Variants in BLM observed in about 807,000 individuals in gnomAD.
The protein encoded by BLM is BLM RecQ like helicase.
BLM carries 95 observed loss-of-function variants against 135.3 expected under a neutral mutation model. That is an observed-to-expected ratio of 0.70 (90% CI 0.59 to 0.83). The LOEUF (loss-of-function observed/expected upper bound fraction) is 0.83, where lower values mean the gene tolerates loss of function less well. BLM is among the 40% of genes least tolerant of loss of function. The probability of loss-of-function intolerance (pLI) is 0.00; values close to 1 mark genes in which losing one functional copy is unlikely to be tolerated. For synonymous variants in BLM, 520 were observed against 589.2 expected (o/e 0.88, Z 1.70); for missense variants, 1,518 against 1,663.9 (o/e 0.91, Z 1.53).
intron 10 of BLM, 82 bp downstream of exon 10, chr15:90,767,105 A>G: frequency 2.3e-6 from 2 of 881,394 alleles, no homozygotes; most frequent in East Asian, 2.8e-5. Context: ...AAAATTTTGT[A>G]TACGTAGTGC....
rs2151199849 is a variant in BLM, at chr15:90,811,289, C to A, written c.3959C>A (p.Pro1320His). The A allele has an allele frequency of 6.2e-7, 1 of 1,614,148 alleles. No individual in the cohort carries two copies. Residue 1320 changes from proline to histidine, a missense_variant, in exon 21 of 22, where the codon CCC (proline) becomes CAC (histidine). Pro to His is a moderately conservative substitution (Grantham distance 77, BLOSUM62 -2). Coordinates refer to ENST00000355112, the MANE Select transcript of BLM (RefSeq NM_000057.4). The part of the protein sequence containing the change: ...SAAEELDEEI[P>H]VSSHYFASKT... ...GCTGAGGAGCTCGACGAGGAAATAC[C>A]CGTATCTTCCCACTACTTTGCAAGT...
At chr15:90,804,071 T>TA in intron 18 of BLM, 96 bp from the exon 19 acceptor site, 1 of 1,157,886 alleles carries the variant, frequency 8.6e-7, no homozygotes, top group Non-Finnish European at 1.3e-6. Context: ...AGAATAGAAT[T>TA]GCCCCCCAAA....
chr15:90,750,061 G>T lies in BLM; in HGVS notation c.793G>T (p.Glu265Ter), dbSNP rs751718191. Reference sequence around the variant, plus strand: ...CTCTCTGAAAACTCATTTGGAAGATGAAAGAGGTAACAATTATTTTATCTT... The same window carrying T: ...CTCTCTGAAAACTCATTTGGAAGATTAAAGAGGTAACAATTATTTTATCTT... Reference protein sequence around the residue: ...SDSLKTHLEDERDNSEKKKNL... With the variant: ...SDSLKTHLED The change falls in exon 3 of 22, where the codon GAA becomes TAA. Residue 265 changes from glutamate to a stop codon, truncating the protein, a stop_gained. Transcript: ENST00000355112. LOFTEE classifies it high-confidence loss of function. The T allele has an allele frequency of 3.1e-6, 5 of 1,613,640 alleles. No individual in the cohort carries two copies. In the South Asian group the frequency reaches 4.4e-5, roughly 14 times the overall value.
At chr15:90,762,020 A>G (rs1896000936) in intron 7 of BLM, among the ~76,000 whole-genome samples, 1 of 152,176 alleles carries the variant, frequency 6.6e-6, no homozygotes, top group Non-Finnish European at 1.5e-5. Flanking sequence ...TTTGCCATTG[A>G]TGACTTAATA....
intron 12 of BLM, among the ~76,000 whole-genome samples, chr15:90,780,451 C>T (rs1218785342): frequency 6.6e-6 from 1 of 152,072 alleles, no homozygotes; most frequent in African/African-American, 2.4e-5. Flanking sequence ...AATTCCTGGG[C>T]TCAAGTGATC....
At chr15:90,777,852 C>G (rs992657345) in intron 12 of BLM, among the ~76,000 whole-genome samples, 3 of 152,148 alleles carry the variant, frequency 2.0e-5, no homozygotes, top group African/African-American at 7.2e-5. Context: ...CGCATCTTCT[C>G]CCTCTTGTTT....
chr15:90,768,141 C>G (rs1017608922), intron 10 of BLM, among the ~76,000 whole-genome samples: 1 of 152,000 alleles, frequency 6.6e-6, no homozygotes, highest in African/African-American at 2.4e-5. Flanking sequence ...TGGGGTTTCA[C>G]CATCTTGGCC....
chr15:90,748,372 T>C (rs1895566187), intron 2 of BLM, among the ~76,000 whole-genome samples: 1 of 152,004 alleles, frequency 6.6e-6, no homozygotes, highest in South Asian at 2.1e-4. Context: ...CCTCCCAAAG[T>C]GCTGGGATTA....
In BLM at chr15:90,769,562, A is replaced by C. The variant is rs749871386; in HGVS notation, c.2531A>C (p.Gln844Pro). 6.2e-7 allele frequency: 1 copy of C among 1,614,002 alleles called. No homozygotes were observed. Among genetic ancestry groups the C allele is most frequent in the South Asian group, 1.1e-5 (1 of 91,074 alleles). The change falls in exon 12 of 22, where the codon CAG (glutamine) becomes CCG (proline). Residue 844 changes from glutamine to proline, a missense_variant. Physicochemically the swap from Gln to Pro is moderately conservative, Grantham distance 76. Around this residue, in one of 5 missense-constraint regions of BLM, gnomAD observed 626 missense variants for 681.1 expected, o/e 0.92. Coordinates refer to ENST00000355112, the MANE Select transcript of BLM (RefSeq NM_000057.4). ...NPRVQKDILT[Q>P]LKILRPQVFS... ...AGGGTACAGAAGGACATCCTGACTC[A>C]GCTGAAGATTCTCAGACCTCAGGTG... is the stretch of plus-strand genomic sequence containing the variant.
chr15:90,814,958 T>A (rs904507124), intron 21 of BLM, 144 bp from the exon 22 acceptor site: 2 of 755,802 alleles, frequency 2.6e-6, no homozygotes, highest in African/African-American at 3.5e-5. Context: ...AAACTTACCT[T>A]ACCTAGGGGG....
At chr15:90,769,408 C>G (rs1212702368) in intron 11 of BLM, 30 bp from the exon 12 acceptor site, 1 of 1,613,642 alleles carries the variant, frequency 6.2e-7, no homozygotes. Context: ...TCCAAGTAGT[C>G]TGAAAAGCAG....
At chr15:90,753,164 G>A (rs1451552607) in intron 4 of BLM, among the ~76,000 whole-genome samples, 1 of 152,156 alleles carries the variant, frequency 6.6e-6, no homozygotes, top group East Asian at 1.9e-4. Context: ...AAGCCCAGGA[G>A]TTCAAGGCTG....
rs1281288134 is a variant in BLM, at chr15:90,775,528, GTGTA to G, written c.2555+5944_2555+5947del. ...TATATATATGTGTGTGTGTGTGTGT[GTGTA>G]TTTTAGACCAAGTTTCACTCTTGTC... On this transcript the variant is annotated intron_variant, in intron 12 of 21. Transcript: ENST00000355112. Among the ~76,000 whole-genome samples the G allele has an allele frequency of 7.8e-3, 1,158 of 148,718 alleles. 14 individuals are homozygous for G. Among genetic ancestry groups the G allele is most frequent in the African/African-American group, 0.026 (1,014 of 39,694 alleles).
At chr15:90,740,953 C>T (rs1417689128) in intron 1 of BLM, among the ~76,000 whole-genome samples, 1 of 152,152 alleles carries the variant, frequency 6.6e-6, no homozygotes, top group Non-Finnish European at 1.5e-5. Flanking sequence ...GGTGTTTCTT[C>T]ATAGCAGTAT....
chr15:90,769,316 G>C (rs1896230755), intron 11 of BLM, 85 bp downstream of exon 11: 1 of 1,533,344 alleles, frequency 6.5e-7, no homozygotes, highest in Non-Finnish European at 9.0e-7. Context: ...AACCCACACT[G>C]AGTGAACGAG....
intron 12 of BLM, among the ~76,000 whole-genome samples, chr15:90,773,972 G>A (rs1004426684): frequency 1.4e-5 from 2 of 147,646 alleles, no homozygotes; most frequent in Admixed American, 6.8e-5. Context: ...GTGGTCATCA[G>A]TTTTATTTCT....
In BLM at chr15:90,804,222, T is replaced by A; in HGVS notation, c.3614T>A (p.Val1205Glu). Residue 1205 changes from valine (V) to glutamate (E), a missense_variant, in exon 19 of 22, where the codon GTA becomes GAA. Around this residue, in one of 5 missense-constraint regions of BLM, gnomAD observed 626 missense variants for 681.1 expected, o/e 0.92. Coordinates refer to ENST00000355112, the MANE Select transcript of BLM (RefSeq NM_000057.4). ...AGTGTGAAAAAACAAAAAGCGTTAG[T>A]AGCAAAAGTGTCTCAGAGGGAAGAG... ...SSSVKKQKAL[V>E]AKVSQREEMV... 1 of 1,614,148 alleles carries A rather than the reference T, an allele frequency of 6.2e-7. No homozygotes were observed. Among genetic ancestry groups the A allele is most frequent in the African/African-American group, 1.3e-5 (1 of 75,048 alleles).
Position 90,760,257 on chromosome 15 carries a change from C to G in BLM, c.1198C>G (p.Leu400Val). The G allele has an allele frequency of 6.2e-7, 1 of 1,614,116 alleles. No individual in the cohort carries two copies. The highest frequency in any genetic ancestry group is 8.5e-7 in the Non-Finnish European group (1 of 1,180,012). ...KLKLLDCGNE[L>V]LQQRNIRRKL... ...GAAACTTTTGGATTGTGGGAACGAA[C>G]TGCTTCAGCAGCGGAACATAAGGTA... Residue 400 changes from leucine to valine, a missense_variant, in exon 6 of 22, where the codon CTG (leucine) becomes GTG (valine). Physicochemically the swap from Leu to Val is conservative, Grantham distance 32. Around this residue, in one of 5 missense-constraint regions of BLM, gnomAD observed 724 missense variants for 756.9 expected, o/e 0.96. Transcript: ENST00000355112.
At chr15:90,813,239 A>G (rs28385169) in intron 21 of BLM, among the ~76,000 whole-genome samples, 1 of 152,350 alleles carries the variant, frequency 6.6e-6, no homozygotes, top group Non-Finnish European at 1.5e-5. Flanking sequence ...CCATATTGCT[A>G]TTGGCTCCCT....
Sources: gnomAD v4.1 joint callset for allele counts (sites outside exome capture counted in the v4.1 genomes callset) on GRCh38, gnomAD v4.1.1 for gene constraint, gnomAD v4.1.1 regional missense constraint, MANE v1.5 for transcripts, NCBI Gene and HGNC (gene_info 2026-07-23, HGNC 2026-07-21) for gene names.